Variants in CDH7 observed in about 807,000 individuals in gnomAD.
CDH7 encodes the protein cadherin 7.
Under a neutral mutation model 71.8 loss-of-function variants are expected in CDH7, and 25 were observed. The ratio of observed to expected loss-of-function variants is 0.35; its 90% CI spans 0.25 to 0.49. The LOEUF is 0.49. Among genes scored for constraint, CDH7 ranks in the 20% least tolerant of loss-of-function variants. CDH7 has a pLI of 0.99. For missense variants in CDH7, 862 were observed against 974.6 expected (o/e 0.88, Z 1.54); for synonymous variants, 381 against 363.8 (o/e 1.05, Z -0.54).
rs147004607 is a variant in CDH7, at chr18:65,760,975, T to C, written c.-196-1672T>C. ...CCTACATTGGAACATCAAGGCATGA[T>C]CCCAAGTTACTTGTTCTTTATAAGT... On this transcript the variant is annotated intron_variant, in intron 1 of 11. Transcript: ENST00000397968. Among the ~76,000 whole-genome samples, 306 of 152,300 alleles carry C rather than the reference T, an allele frequency of 2.0e-3. 2 individuals carry two copies. Among genetic ancestry groups the C allele is most frequent in the Middle Eastern group, 0.01 (3 of 294 alleles).
intron 2 of CDH7, chr18:65,803,755 A>G (rs1911208601): frequency 6.6e-6 from 1 of 151,800 alleles, no homozygotes; most frequent in Non-Finnish European, 1.5e-5. Context: ...TAAAATTTTA[A>G]CCTTGTAAAA....
chr18:65,795,849 G>C (rs1910892819), intron 2 of CDH7, among the ~76,000 whole-genome samples: 1 of 151,950 alleles, frequency 6.6e-6, no homozygotes, highest in African/African-American at 2.4e-5. Context: ...AATCATGGAG[G>C]CAGTTCCCCC....
intron 2 of CDH7, among the ~76,000 whole-genome samples, chr18:65,778,837 C>G (rs1910065361): frequency 1.3e-5 from 2 of 151,884 alleles, no homozygotes; most frequent in South Asian, 4.2e-4. Context: ...AAAACACACT[C>G]ATTTAATGTT....
chr18:65,887,415 C>G lies in CDH7; in HGVS notation c.*6521C>G, dbSNP rs111722667. The G allele has an allele frequency of 4.3e-5, 6 of 141,088 alleles. No individual in the cohort carries two copies. The highest frequency in any genetic ancestry group is 6.1e-5 in the Non-Finnish European group (4 of 65,128). The allele number at this position is 141,088 out of a possible 1,614,324, so 8.7% of individuals were successfully genotyped here. ...ATATCTCCTAATTCTATCCCTCCCC[C>G]CTCCCCCTACCCCACAACAGTCCCT... On this transcript the variant is annotated 3_prime_UTR_variant, in exon 12 of 12. Transcript: ENST00000397968.
intron 2 of CDH7, among the ~76,000 whole-genome samples, chr18:65,782,166 CTTTCTTTCTTTCT>C (rs1910329053): frequency 8.9e-6 from 1 of 112,574 alleles, no homozygotes; most frequent in African/African-American, 4.3e-5. Context: ...TTCTTTCTTC[CTTTCTTTCTTTCT>C]TTCTTTCTTG....
At chr18:65,824,971 T>A in intron 6 of CDH7, 140 bp downstream of exon 6, 1 of 506,352 alleles carries the variant, frequency 2.0e-6, no homozygotes, top group Non-Finnish European at 3.4e-6. Context: ...ATACATTTAA[T>A]TTTTGGTGTC....
chr18:65,808,009 A>C (rs1012558458), intron 2 of CDH7, among the ~76,000 whole-genome samples: 3 of 152,190 alleles, frequency 2.0e-5, no homozygotes, highest in Non-Finnish European at 4.4e-5. Context: ...CCAGCCTGCC[A>C]GCTTTTATAA....
At chr18:65,823,814 A>G (rs908162608) in intron 5 of CDH7, among the ~76,000 whole-genome samples, 3 of 151,908 alleles carry the variant, frequency 2.0e-5, no homozygotes, top group Non-Finnish European at 4.4e-5. Context: ...TTTAACAACC[A>G]AAGGAAACAG....
At chr18:65,860,250 C>T (rs559617148) in intron 10 of CDH7, among the ~76,000 whole-genome samples, 1 of 152,186 alleles carries the variant, frequency 6.6e-6, no homozygotes, top group East Asian at 1.9e-4. Flanking sequence ...TTCGATAATA[C>T]CCCTTACTCT....
At position 65,885,797 on chromosome 18, in the gene CDH7, A is replaced by G. The variant is rs1914362123; in HGVS notation, c.*4903A>G. On this transcript the variant is annotated 3_prime_UTR_variant, in exon 12 of 12. Transcript: ENST00000397968. The stretch of plus-strand genomic sequence containing the variant: ...TCACCTGCCAAGTGACTGTTAGGCA[A>G]TAAGACTAGAAAATATGGTACCGAA... The G allele has an allele frequency of 6.6e-6, 1 of 152,198 alleles. No individual in the cohort carries two copies. Among genetic ancestry groups the G allele is most frequent in the African/African-American group, 2.4e-5 (1 of 41,460 alleles). The allele number at this position is 152,198 out of a possible 1,614,324, so 9.4% of individuals were successfully genotyped here. A position where few individuals can be genotyped will look rare whatever the true frequency, so the allele number is the denominator to read the frequency against.
chr18:65,761,599 A>T (rs758336783), intron 1 of CDH7, among the ~76,000 whole-genome samples: 1 of 151,060 alleles, frequency 6.6e-6, no homozygotes, highest in African/African-American at 2.4e-5. Context: ...TCTATTGTTG[A>T]TTTATTTATA....
chr18:65,783,912 GA>G (rs987921836), intron 2 of CDH7, among the ~76,000 whole-genome samples: 19 of 152,054 alleles, frequency 1.2e-4, no homozygotes, highest in Admixed American at 1.2e-3. Flanking sequence ...TAAGAAAATA[GA>G]AATAAAGGCT....
intron 4 of CDH7, 59 bp from the exon 5 acceptor site, chr18:65,822,022 T>A: frequency 7.6e-7 from 1 of 1,317,726 alleles, no homozygotes; most frequent in Non-Finnish European, 1.1e-6. Context: ...ATCAGTATTC[T>A]TTGTTAGTAT....
At chr18:65,822,450 C>T (rs1599030559) in intron 5 of CDH7, among the ~76,000 whole-genome samples, 1 of 152,094 alleles carries the variant, frequency 6.6e-6, no homozygotes, top group East Asian at 1.9e-4. Context: ...TAGAAGCCAT[C>T]ATATATTTGC....
chr18:65,870,055 T>C (rs996851640), intron 11 of CDH7, among the ~76,000 whole-genome samples: 2 of 152,144 alleles, frequency 1.3e-5, no homozygotes, highest in South Asian at 2.1e-4. Flanking sequence ...TTAGTAGCCA[T>C]GGAACTATAT....
intron 2 of CDH7, among the ~76,000 whole-genome samples, chr18:65,807,763 TATGTAATGGCA>T (rs1911377725): frequency 1.3e-5 from 2 of 152,194 alleles, no homozygotes; most frequent in Admixed American, 1.3e-4. Flanking sequence ...AGTTTACTGT[TATGTAATGGCA>T]AGAAGGAACC....
chr18:65,848,668 G>T (rs1023950686), intron 7 of CDH7, among the ~76,000 whole-genome samples: 1 of 151,886 alleles, frequency 6.6e-6, no homozygotes. Flanking sequence ...CAAGCCCAAA[G>T]TTCCTATACT....
At chr18:65,792,671 G>C (rs563362732) in intron 2 of CDH7, among the ~76,000 whole-genome samples, 1 of 151,690 alleles carries the variant, frequency 6.6e-6, no homozygotes, top group Non-Finnish European at 1.5e-5. Flanking sequence ...CTCTAGAGAA[G>C]CAAACAAGAA....
At chr18:65,786,520 A>T (rs6566175) in intron 2 of CDH7, among the ~76,000 whole-genome samples, 66,983 of 151,900 alleles carry the variant, frequency 0.44, 17,556 homozygotes, top group African/African-American at 0.74. Context: ...ACCATAAATC[A>T]GTACTGATAA....
Sources: allele counts gnomAD v4.1 joint callset (sites outside exome capture counted in the v4.1 genomes callset), GRCh38; gene constraint gnomAD v4.1.1; transcripts MANE v1.5; gene names NCBI Gene and HGNC (gene_info 2026-07-23, HGNC 2026-07-21).